The following JOSD1 variants were observed in gnomAD, a reference collection of about 807,000 sequenced individuals.
JOSD1 encodes the protein josephin-1.
A neutral mutation model predicts 24.3 loss-of-function variants in JOSD1; 11 were observed. The observed-to-expected ratio is 0.45, with a 90% CI of 0.29 to 0.75. The LOEUF (loss-of-function observed/expected upper bound fraction) is 0.75. Among genes scored for constraint, JOSD1 ranks in the 30% least tolerant of loss-of-function variants. JOSD1 has a pLI of 0.11. For synonymous variants in JOSD1, 106 were observed against 93.8 expected (o/e 1.13, Z -0.75); for missense variants, 184 against 253.5 (o/e 0.73, Z 1.86).
rs2092496802 is a variant in JOSD1 at position 38,686,159 on chromosome 22, G to C, written c.*1743C>G. On this transcript the variant is annotated 3_prime_UTR_variant, in exon 5 of 5. Transcript: ENST00000683374. ...CTGGTGTAGAAAATGGTGCAGAAGAGACTGCGGCCAGTTGCTGAGAAGATA... is the reference window on the plus strand; with the variant it reads ...CTGGTGTAGAAAATGGTGCAGAAGACACTGCGGCCAGTTGCTGAGAAGATA... The C allele has an allele frequency of 6.6e-6, 1 of 152,560 alleles. No individual in the cohort carries two copies. The highest frequency in any genetic ancestry group is 1.5e-5 in the Non-Finnish European group (1 of 68,044). 9.5% of individuals were successfully genotyped at this position (152,560 alleles called of 1,614,324 possible).
chr22:38,700,941 G>A lies in JOSD1; in HGVS notation c.-773C>T. Reference sequence around the variant, plus strand: ...CCACCTGGAGTGCGCGCCGCCAACTGGGCCGTGCGGGCGGGCGCGCGCACC... The same window carrying A: ...CCACCTGGAGTGCGCGCCGCCAACTAGGCCGTGCGGGCGGGCGCGCGCACC... On this transcript the variant is annotated 5_prime_UTR_variant, in exon 1 of 5. Transcript: ENST00000683374. 2 of 984,766 alleles carry A rather than the reference G, an allele frequency of 2.0e-6. No homozygotes were observed. The highest frequency in any genetic ancestry group is 2.4e-6 in the Non-Finnish European group (2 of 829,728). 61.0% of individuals were successfully genotyped at this position (984,766 alleles called of 1,614,324 possible).
intron 2 of JOSD1, 63 bp from the exon 3 acceptor site, chr22:38,689,487 T>C: frequency 6.3e-7 from 1 of 1,598,540 alleles, no homozygotes; most frequent in Middle Eastern, 1.8e-4. Context: ...GACCCCGCAC[T>C]ACCAGGGATG....
rs1381455089 is a variant in JOSD1, at chr22:38,700,863, C to T, written c.-695G>A. 1 of 984,710 alleles carries T rather than the reference C, an allele frequency of 1.0e-6. No homozygotes were observed. Among genetic ancestry groups the T allele is most frequent in the East Asian group, 1.1e-4 (1 of 8,804 alleles). The allele number at this position is 984,710 out of a possible 1,614,324, so 61.0% of individuals were successfully genotyped here. On this transcript the variant is annotated 5_prime_UTR_variant, in exon 1 of 5. Coordinates refer to ENST00000683374, the MANE Select transcript of JOSD1 (RefSeq NM_001360236.2). ...CCCGCCGCGCCCCCGGCCGCAGACC[C>T]CAGGGCCGCCGGGACTGCTCGCCGC...
chr22:38,690,392 C>T (rs757611700), intron 2 of JOSD1, among the ~76,000 whole-genome samples: 1 of 152,142 alleles, frequency 6.6e-6, no homozygotes, highest in East Asian at 1.9e-4. Context: ...AGCAGAAATA[C>T]TGGTATTTTT....
rs188255671 is a variant in JOSD1, at chr22:38,696,362, C to T, written c.185+3441G>A. Among the ~76,000 whole-genome samples the T allele has an allele frequency of 5.2e-3, 786 of 152,004 alleles. 14 individuals carry two copies. The highest frequency in any genetic ancestry group is 0.018 in the African/African-American group (766 of 41,468). On this transcript the variant is annotated intron_variant, in intron 2 of 4. Transcript: ENST00000683374. ...AAGTGATTCTCCTGCCTCAGTTTCC[C>T]GAGTAGCTGGGACTACAGGCGTGTG...
intron 2 of JOSD1, among the ~76,000 whole-genome samples, chr22:38,696,440 A>G (rs2092546656): frequency 2.0e-5 from 3 of 152,036 alleles, no homozygotes; most frequent in South Asian, 2.1e-4. Flanking sequence ...GTTTTGCTAT[A>G]TGTTGGCCAG....
At chr22:38,693,080 G>A (rs1291806207) in intron 2 of JOSD1, among the ~76,000 whole-genome samples, 1 of 152,148 alleles carries the variant, frequency 6.6e-6, no homozygotes, top group Non-Finnish European at 1.5e-5. Context: ...TACAATAACA[G>A]CTGAATGAAC....
chr22:38,693,343 C>T (rs1192976982), intron 2 of JOSD1, among the ~76,000 whole-genome samples: 4 of 152,160 alleles, frequency 2.6e-5, no homozygotes, highest in African/African-American at 9.7e-5. Context: ...GGCTCCTTAC[C>T]TCACACCTTG....
chr22:38,690,974 T>G (rs938261177), intron 2 of JOSD1, among the ~76,000 whole-genome samples: 3 of 152,094 alleles, frequency 2.0e-5, no homozygotes, highest in Admixed American at 2.0e-4. Flanking sequence ...GAGCCGAACA[T>G]AGGAGGCAGA....
rs2092566625 is a variant in JOSD1, at chr22:38,700,870, C to T, written c.-702G>A. On this transcript the variant is annotated 5_prime_UTR_variant, in exon 1 of 5. Transcript: ENST00000683374. ...CGCCCCCGGCCGCAGACCCCAGGGC[C>T]GCCGGGACTGCTCGCCGCTGGCGGT... The T allele has an allele frequency of 1.0e-6, 1 of 984,498 alleles. No individual in the cohort carries two copies. The highest frequency in any genetic ancestry group is 1.2e-6 in the Non-Finnish European group (1 of 829,676). 61.0% of individuals were successfully genotyped at this position (984,498 alleles called of 1,614,324 possible). A position where few individuals can be genotyped will look rare whatever the true frequency, so the allele number is the denominator to read the frequency against.
chr22:38,699,260 C>T (rs1012811771), intron 2 of JOSD1, among the ~76,000 whole-genome samples: 2 of 152,206 alleles, frequency 1.3e-5, no homozygotes, highest in South Asian at 2.1e-4. Flanking sequence ...AAGCAATGTA[C>T]GAACAGCACT....
chr22:38,693,306 T>G (rs1357967168), intron 2 of JOSD1, among the ~76,000 whole-genome samples: 1 of 152,204 alleles, frequency 6.6e-6, no homozygotes, highest in Admixed American at 6.5e-5. Flanking sequence ...CCTTTCCTAT[T>G]ACCACTCCAT....
chr22:38,698,527 T>G (rs2092554372), intron 2 of JOSD1, among the ~76,000 whole-genome samples: 1 of 151,968 alleles, frequency 6.6e-6, no homozygotes, highest in East Asian at 1.9e-4. Context: ...GCTAAGAGAG[T>G]AAGAAAAAGG....
Position 38,700,338 on chromosome 22 carries a change from C to T in JOSD1, c.-351G>A. On this transcript the variant is annotated 5_prime_UTR_variant, in exon 2 of 5. Coordinates refer to ENST00000683374, the MANE Select transcript of JOSD1 (RefSeq NM_001360236.2). ...CCCACGATTTTCTTGCTGTTTCCCT[C>T]TGCAAATGCCAGGCCTCAAAGCAGG... is the stretch of plus-strand genomic sequence containing the variant. 9.9e-7 allele frequency: 1 copy of T among 1,014,106 alleles called. No individual in the cohort carries two copies. The allele number at this position is 1,014,106 out of a possible 1,614,324, so 62.8% of individuals were successfully genotyped here.
chr22:38,698,091 C>A (rs2092552819), intron 2 of JOSD1, among the ~76,000 whole-genome samples: 2 of 152,218 alleles, frequency 1.3e-5, no homozygotes, highest in African/African-American at 4.8e-5. Context: ...CTTTCCTTCT[C>A]CCTAGTTTTA....
At chr22:38,692,705 C>T (rs1177728693) in intron 2 of JOSD1, among the ~76,000 whole-genome samples, 3 of 144,752 alleles carry the variant, frequency 2.1e-5, no homozygotes, top group South Asian at 2.2e-4. Context: ...CGCTTGAACC[C>T]GGGAGGCAGA....
rs1248860888 is a variant in JOSD1 at position 38,700,810 on chromosome 22, G to C, written c.-642C>G. On this transcript the variant is annotated 5_prime_UTR_variant, in exon 1 of 5. Transcript: ENST00000683374. The stretch of plus-strand genomic sequence containing the variant: ...AGCCCCTACACAAACCTCCCCGCCC[G>C]TCACGTGAGCGCAGGCCCAGACGCC... The C allele has an allele frequency of 1.0e-6, 1 of 984,996 alleles. No homozygotes were observed. Among genetic ancestry groups the C allele is most frequent in the Non-Finnish European group, 1.2e-6 (1 of 829,874 alleles). 61.0% of individuals were successfully genotyped at this position (984,996 alleles called of 1,614,324 possible). A position where few individuals can be genotyped will look rare whatever the true frequency, so the allele number is the denominator to read the frequency against.
chr22:38,692,802 A>G (rs1385721302), intron 2 of JOSD1, among the ~76,000 whole-genome samples: 16 of 150,784 alleles, frequency 1.1e-4, no homozygotes, highest in South Asian at 2.1e-4. Context: ...AAAAAAAAAA[A>G]AAAGAAAGAA....
chr22:38,699,977 A>T lies in JOSD1; in HGVS notation c.11T>A (p.Val4Glu). The T allele has an allele frequency of 1.2e-6, 2 of 1,602,740 alleles. No homozygotes were observed. Among genetic ancestry groups the T allele is most frequent in the Non-Finnish European group, 1.7e-6 (2 of 1,174,108 alleles). ...TTTGGCCTTGTCTCCTTTCCATGGC[A>T]CACAACTCATGTTTTTTGTTTTAGG... The part of the protein sequence containing the change: MSC[V>E]PWKGDKAKSE... Residue 4 changes from valine to glutamate, a missense_variant, in exon 2 of 5, where the codon GTG becomes GAG. Coordinates refer to ENST00000683374, the MANE Select transcript of JOSD1 (RefSeq NM_001360236.2).
Sources: gnomAD v4.1 joint callset for allele counts (sites outside exome capture counted in the v4.1 genomes callset) on GRCh38, gnomAD v4.1.1 for gene constraint, MANE v1.5 for transcripts, NCBI Gene and HGNC (gene_info 2026-07-23, HGNC 2026-07-21) for gene names.